Variants in SPPL2A observed in about 807,000 individuals in gnomAD.
SPPL2A encodes signal peptide peptidase-like 2A.
SPPL2A carries 51 observed loss-of-function variants against 63.8 expected under a neutral mutation model. The observed-to-expected ratio is 0.80, with a 90% CI of 0.64 to 1.01. SPPL2A has a LOEUF of 1.01. Ranked by LOEUF, SPPL2A falls within the 50% of genes least tolerant of loss-of-function variation. The pLI is 0.00. For missense variants in SPPL2A, 553 were observed against 622.7 expected (o/e 0.89, Z 1.19); for synonymous variants, 188 against 205.8 (o/e 0.91, Z 0.74).
chr15:50,757,258 A>G (rs995817937), intron 1 of SPPL2A, among the ~76,000 whole-genome samples: 1 of 151,400 alleles, frequency 6.6e-6, no homozygotes, highest in Non-Finnish European at 1.5e-5. Flanking sequence ...AATTTTTTGT[A>G]TTTTTAATAG....
At chr15:50,732,711 G>C in intron 8 of SPPL2A, 27 bp from the exon 9 acceptor site, 4 of 1,369,530 alleles carry the variant, frequency 2.9e-6, no homozygotes, top group Non-Finnish European at 4.2e-6. Context: ...TTACTCTATT[G>C]CTTTATCAAT....
chr15:50,744,692 T>A (rs553411188), intron 5 of SPPL2A, among the ~76,000 whole-genome samples: 1 of 152,234 alleles, frequency 6.6e-6, no homozygotes, highest in South Asian at 2.1e-4. Flanking sequence ...ATGCTATAGA[T>A]TTTTCTTCTC....
intron 11 of SPPL2A, chr15:50,725,905 C>A: frequency 9.9e-6 from 3 of 301,960 alleles, no homozygotes; most frequent in East Asian, 8.2e-5. Context: ...CACATTTAAC[C>A]TTTTTTTTTT....
intron 10 of SPPL2A, among the ~76,000 whole-genome samples, chr15:50,728,846 G>A (rs1170414491): frequency 2.8e-5 from 4 of 141,026 alleles, no homozygotes; most frequent in African/African-American, 5.4e-5. Flanking sequence ...ATGGAGTCTC[G>A]CTCTGTTGCC....
chr15:50,745,763 T>G (rs1278303142), intron 5 of SPPL2A, among the ~76,000 whole-genome samples: 1 of 151,932 alleles, frequency 6.6e-6, no homozygotes, highest in Non-Finnish European at 1.5e-5. Context: ...GAAAATATAA[T>G]TTTTAGGCCG....
chr15:50,746,176 A>T (rs1180250492), intron 5 of SPPL2A, among the ~76,000 whole-genome samples: 1 of 151,992 alleles, frequency 6.6e-6, no homozygotes, highest in Non-Finnish European at 1.5e-5. Flanking sequence ...ACAGTGACTC[A>T]CACCTGTAAT....
chr15:50,757,947 G>A (rs2062974918), intron 1 of SPPL2A, among the ~76,000 whole-genome samples: 1 of 149,882 alleles, frequency 6.7e-6, no homozygotes, highest in East Asian at 2.0e-4. Context: ...TCGAGCCACT[G>A]CGCTCCAGCC....
intron 1 of SPPL2A, among the ~76,000 whole-genome samples, chr15:50,760,597 G>A (rs1424870317): frequency 6.6e-6 from 1 of 152,050 alleles, no homozygotes; most frequent in Non-Finnish European, 1.5e-5. Flanking sequence ...CCTATCATGA[G>A]GGTCCCGTCT....
intron 13 of SPPL2A, among the ~76,000 whole-genome samples, chr15:50,721,664 G>A (rs1236434399): frequency 6.6e-6 from 1 of 151,458 alleles, no homozygotes; most frequent in African/African-American, 2.4e-5. Context: ...GAGTGCAGTG[G>A]GGCAATCTTG....
chr15:50,736,541 CA>C, intron 7 of SPPL2A, 102 bp downstream of exon 7: 1 of 618,822 alleles, frequency 1.6e-6, no homozygotes, highest in Non-Finnish European at 2.8e-6. Flanking sequence ...CCTGTAGGTC[CA>C]ATGTATATTG....
intron 12 of SPPL2A, among the ~76,000 whole-genome samples, chr15:50,722,639 T>C (rs899552525): frequency 6.6e-6 from 1 of 152,108 alleles, no homozygotes; most frequent in Non-Finnish European, 1.5e-5. Flanking sequence ...TGTATTTTAG[T>C]AGAGATGGGG....
intron 5 of SPPL2A, 110 bp downstream of exon 5, chr15:50,747,385 G>T: frequency 1.1e-6 from 1 of 873,538 alleles, no homozygotes; most frequent in Non-Finnish European, 1.9e-6. Context: ...TGGGCTTACT[G>T]GCATCATATT....
At chr15:50,723,804 T>G (rs1330065561) in intron 12 of SPPL2A, among the ~76,000 whole-genome samples, 9 of 152,234 alleles carry the variant, frequency 5.9e-5, no homozygotes, top group Non-Finnish European at 1.2e-4. Flanking sequence ...TATGCAATTA[T>G]GCAGAAACAA....
chr15:50,753,914 A>AG (rs1428052071), intron 1 of SPPL2A, among the ~76,000 whole-genome samples: 23 of 152,128 alleles, frequency 1.5e-4, no homozygotes, highest in African/African-American at 5.5e-4. Context: ...GTCCTGCCTC[A>AG]GCCTCCTGAG....
chr15:50,739,290 T>C (rs2095449781), intron 6 of SPPL2A, among the ~76,000 whole-genome samples: 1 of 151,390 alleles, frequency 6.6e-6, no homozygotes, highest in Non-Finnish European at 1.5e-5. Context: ...GCGATTCTCC[T>C]GACTCAGCCT....
At chr15:50,749,389 A>G (rs2062887295) in intron 2 of SPPL2A, among the ~76,000 whole-genome samples, 1 of 151,898 alleles carries the variant, frequency 6.6e-6, no homozygotes, top group South Asian at 2.1e-4. Flanking sequence ...CTGGGTTCAC[A>G]CAATTCTCCT....
chr15:50,736,662 A>G lies in SPPL2A; in HGVS notation c.812T>C (p.Ile271Thr). The stretch of plus-strand genomic sequence containing the variant: ...TACGTACGTGCATTGTCCATATGGT[A>G]TCTTATGAATTAGTGCAGCAAGACA... ...YNCLAALIHKIPYGQCTIACR... is the reference protein window; with the variant it reads ...YNCLAALIHKTPYGQCTIACR... The change falls in exon 7 of 15, where the codon ATA becomes ACA. Residue 271 changes from isoleucine (I) to threonine (T), a missense_variant. Coordinates refer to ENST00000261854, the MANE Select transcript of SPPL2A (RefSeq NM_032802.4). 1.3e-6 allele frequency: 2 copies of G among 1,588,116 alleles called. No homozygotes were observed.
chr15:50,716,396 T>C (rs1480326037), intron 14 of SPPL2A, among the ~76,000 whole-genome samples: 1 of 152,090 alleles, frequency 6.6e-6, no homozygotes, highest in East Asian at 1.9e-4. Flanking sequence ...GGTTTTGTCA[T>C]GTTGGCCAGG....
intron 5 of SPPL2A, among the ~76,000 whole-genome samples, chr15:50,743,669 C>T (rs542876344): frequency 1.3e-5 from 2 of 152,008 alleles, no homozygotes; most frequent in Admixed American, 6.6e-5. Flanking sequence ...TTAATAAGAT[C>T]TCTAGATAAG....
Sources: allele counts gnomAD v4.1 joint callset (sites outside exome capture counted in the v4.1 genomes callset), GRCh38; gene constraint gnomAD v4.1.1; transcripts MANE v1.5; gene names NCBI Gene and HGNC (gene_info 2026-07-23, HGNC 2026-07-21).